Variants in PARP1 observed in about 807,000 individuals in gnomAD.
PARP1 encodes the protein poly [ADP-ribose] polymerase 1.
Under a neutral mutation model 118.7 loss-of-function variants are expected in PARP1, and 44 were observed. The ratio of observed to expected loss-of-function variants is 0.37; its 90% CI spans 0.29 to 0.48. The LOEUF (loss-of-function observed/expected upper bound fraction) is 0.48, where lower values mean the gene tolerates loss of function less well. Ranked by LOEUF, PARP1 falls within the 20% of genes least tolerant of loss-of-function variation. The probability of loss-of-function intolerance (pLI) is 0.99; values close to 1 mark genes in which losing one functional copy is unlikely to be tolerated. For synonymous variants in PARP1, 492 were observed against 483.2 expected, an observed-to-expected ratio of 1.02 and a Z score of -0.24; for missense variants, 1,100 against 1,272.4, an observed-to-expected ratio of 0.86 and a Z score of 2.06.
chr1:226,401,863 C>T, intron 2 of PARP1: 1 of 789,042 alleles, frequency 1.3e-6, no homozygotes. Flanking sequence ...ATGTACTACT[C>T]TGGTGGGAGG....
intron 18 of PARP1, 97 bp from the exon 19 acceptor site, chr1:226,365,251 G>T: frequency 7.4e-7 from 1 of 1,343,316 alleles, no homozygotes; most frequent in Non-Finnish European, 1.1e-6. Context: ...ATGACCGGCT[G>T]TCCCTAAGGC....
intron 13 of PARP1, among the ~76,000 whole-genome samples, chr1:226,374,687 C>T (rs1480187262): frequency 1.3e-5 from 2 of 152,182 alleles, no homozygotes; most frequent in Non-Finnish European, 2.9e-5. Context: ...TCATGCCCAA[C>T]CTGGAAGTGC....
At position 226,402,309 on chromosome 1, in the gene PARP1, A is replaced by C. The variant is rs766952486; in HGVS notation, c.191T>G (p.Ile64Ser). 6.2e-7 allele frequency: 1 copy of C among 1,614,100 alleles called. No individual in the cohort carries two copies. Among genetic ancestry groups the C allele is most frequent in the South Asian group, 1.1e-5 (1 of 91,088 alleles). Residue 64 changes from isoleucine to serine, a missense_variant, in exon 2 of 23, where the codon ATC becomes AGC. Physicochemically the swap from Ile to Ser is moderately radical, Grantham distance 142 (BLOSUM62 -2). Around this residue, in one of 2 missense-constraint regions of PARP1, gnomAD observed 948 missense variants for 1,031.8 expected, o/e 0.92. Coordinates refer to ENST00000366794, the MANE Select transcript of PARP1 (RefSeq NM_001618.4). ...ATCCACCTCAACGTCAGGGTGCCGG[A>C]TGGAGTGGCCCACCTTCCAGAAGCA... is the stretch of plus-strand genomic sequence containing the variant. The part of the protein sequence containing the change: ...FSCFWKVGHS[I>S]RHPDVEVDGF...
intron 14 of PARP1, among the ~76,000 whole-genome samples, chr1:226,373,494 C>G (rs750015689): frequency 1.2e-4 from 19 of 152,112 alleles, no homozygotes; most frequent in Non-Finnish European, 7.4e-5. Context: ...GCAGCAAGAA[C>G]AAGGGGGCCG....
rs1232292412 is a variant in PARP1 at position 226,404,448 on chromosome 1, C to A, written c.121-2069G>T. On this transcript the variant is annotated intron_variant, in intron 1 of 22. Transcript: ENST00000366794. ...CCCTTCCTGTGCAATGTTCCAGTTA[C>A]CCTTGTATAAAGAGCACAGGTAATG... Among the ~76,000 whole-genome samples the A allele has an allele frequency of 2.6e-5, 4 of 152,192 alleles. No individual in the cohort carries two copies. The South Asian group carries it at 8.3e-4, about 31-fold the overall frequency.
At chr1:226,404,318 C>T (rs182182627) in intron 1 of PARP1, among the ~76,000 whole-genome samples, 339 of 152,330 alleles carry the variant, frequency 2.2e-3, no homozygotes, top group Admixed American at 4.3e-3. Context: ...AACGTTCCAC[C>T]AGATCTCAAT....
chr1:226,365,136 C>T lies in PARP1; in HGVS notation c.2524G>A (p.Glu842Lys). Residue 842 changes from glutamate (E) to lysine (K), a missense_variant, in exon 19 of 23, where the codon GAA becomes AAA. By Grantham distance (56) the Glu-to-Lys change is moderately conservative. Coordinates refer to ENST00000366794, the MANE Select transcript of PARP1 (RefSeq NM_001618.4). Reference protein sequence around the residue: ...EVIDIFKIEREGECQRYKPFK... With the variant: ...EVIDIFKIERKGECQRYKPFK... ...GGCTTGTAACGCTGGCATTCGCCTT[C>T]ACGCTCTATCTTAAAGATCTGGTTG... 7 of 1,614,238 alleles carry T rather than the reference C, an allele frequency of 4.3e-6. No homozygotes were observed. Among genetic ancestry groups the T allele is most frequent in the Non-Finnish European group, 5.9e-6 (7 of 1,180,044 alleles).
intron 1 of PARP1, among the ~76,000 whole-genome samples, chr1:226,405,342 C>T (rs571603437): frequency 1.0e-4 from 15 of 148,250 alleles, no homozygotes; most frequent in East Asian, 5.9e-4. Flanking sequence ...CTGGGTCTGT[C>T]GCCCAGGCTG....
At position 226,377,259 on chromosome 1, in the gene PARP1, C is replaced by T. The variant is rs2102733834; in HGVS notation, c.1790G>A (p.Gly597Asp). 5 of 1,614,080 alleles carry T rather than the reference C, an allele frequency of 3.1e-6. No homozygotes were observed. The highest frequency in any genetic ancestry group is 3.4e-6 in the Non-Finnish European group (4 of 1,179,990). ...RSWGRVGTVI[G>D]SNKLEQMPSK... ...CGGCATCTGTTCCAGTTTGTTGCTA[C>T]CGATCACCGTACCCACACGGCCCCA... The change falls in exon 13 of 23, where the codon GGT becomes GAT. Residue 597 changes from glycine to aspartate, a missense_variant. By Grantham distance (94) the Gly-to-Asp change is moderately conservative. Transcript: ENST00000366794.
chr1:226,381,521 C>T (rs547630181), intron 8 of PARP1, among the ~76,000 whole-genome samples: 9 of 152,180 alleles, frequency 5.9e-5, no homozygotes, highest in Non-Finnish European at 1.0e-4. Flanking sequence ...GCTGCATCTG[C>T]GGACGAGGGA....
rs1409984300 is a variant in PARP1 at position 226,381,221 on chromosome 1, G to C, written c.1160-13C>G. On this transcript the variant is annotated splice_polypyrimidine_tract_variant and intron_variant, in intron 8 of 22. Coordinates refer to ENST00000366794, the MANE Select transcript of PARP1 (RefSeq NM_001618.4). ...GATAATGGCTTATCTGGGATGAAAG[G>C]AGAGAATCATTCAGCAAGGCCAGCT... 3 of 1,614,178 alleles carry C rather than the reference G, an allele frequency of 1.9e-6. No homozygotes were observed. Among genetic ancestry groups the C allele is most frequent in the Non-Finnish European group, 2.5e-6 (3 of 1,180,024 alleles).
At chr1:226,363,259 A>G (rs1360306256) in intron 20 of PARP1, 99 bp from the exon 21 acceptor site, 8 of 855,138 alleles carry the variant, frequency 9.4e-6, no homozygotes, top group Non-Finnish European at 1.6e-5. Flanking sequence ...AGATGAGATA[A>G]AAGTCCACAA....
chr1:226,407,857 T>C lies in PARP1; in HGVS notation c.73A>G (p.Ser25Gly). The C allele has an allele frequency of 1.2e-6, 2 of 1,607,100 alleles. No individual in the cohort carries two copies. Among genetic ancestry groups the C allele is most frequent in the Non-Finnish European group, 8.5e-7 (1 of 1,176,994 alleles). The change falls in exon 1 of 23, where the codon AGC (serine) becomes GGC (glycine). Residue 25 changes from serine (S) to glycine (G), a missense_variant. By Grantham distance (56) the Ser-to-Gly change is moderately conservative (BLOSUM62 0). Around this residue, in one of 2 missense-constraint regions of PARP1, gnomAD observed 948 missense variants for 1,031.8 expected, o/e 0.92. Transcript: ENST00000366794. ...KSGRASCKKC[S>G]ESIPKDSLRM... Reference sequence around the variant, plus strand: ...AGCGAGTCCTTGGGGATGCTCTCGCTGCATTTCTTGCAAGAGGCGCGCCCG... The same window carrying C: ...AGCGAGTCCTTGGGGATGCTCTCGCCGCATTTCTTGCAAGAGGCGCGCCCG...
At chr1:226,407,752 G>C (rs2102750178) in intron 1 of PARP1, 58 bp downstream of exon 1, 4 of 1,482,582 alleles carry the variant, frequency 2.7e-6, no homozygotes, top group Non-Finnish European at 2.7e-6. Flanking sequence ...AGCCTTCCCG[G>C]ACACAGTTAA....
chr1:226,368,721 T>C (rs1286098407), intron 15 of PARP1, among the ~76,000 whole-genome samples: 1 of 152,038 alleles, frequency 6.6e-6, no homozygotes. Context: ...TGGGAGGAGG[T>C]TGCCCATCGC....
In PARP1 at chr1:226,402,367, C is replaced by T; in HGVS notation, c.133G>A (p.Asp45Asn). The T allele has an allele frequency of 6.2e-7, 1 of 1,613,250 alleles. No homozygotes were observed. The highest frequency in any genetic ancestry group is 1.1e-5 in the South Asian group (1 of 91,078). The change falls in exon 2 of 23, where the codon GAT becomes AAT. Residue 45 changes from aspartate to asparagine, a missense_variant. Asp to Asn is a conservative substitution (Grantham distance 23). Around this residue, in one of 2 missense-constraint regions of PARP1, gnomAD observed 948 missense variants for 1,031.8 expected, o/e 0.92. Coordinates refer to ENST00000366794, the MANE Select transcript of PARP1 (RefSeq NM_001618.4). Reference sequence around the variant, plus strand: ...TGGTACCAGTGTGGGACTTTTCCATCAAACATGGGCGACTAGAAGGAAGAG... The same window carrying T: ...TGGTACCAGTGTGGGACTTTTCCATTAAACATGGGCGACTAGAAGGAAGAG... Reference protein sequence around the residue: ...MAIMVQSPMFDGKVPHWYHFS... With the variant: ...MAIMVQSPMFNGKVPHWYHFS...
At chr1:226,406,614 T>C (rs1465954164) in intron 1 of PARP1, among the ~76,000 whole-genome samples, 2 of 152,252 alleles carry the variant, frequency 1.3e-5, no homozygotes, top group Non-Finnish European at 1.5e-5. Flanking sequence ...TGTTTACCAG[T>C]CATTTCCCGT....
At chr1:226,380,669 C>G (rs562814681) in intron 9 of PARP1, among the ~76,000 whole-genome samples, 1 of 152,290 alleles carries the variant, frequency 6.6e-6, no homozygotes, top group African/African-American at 2.4e-5. Context: ...GACCAGAAAC[C>G]TTTCAGACCT....
chr1:226,390,799 T>G (rs189405177), intron 3 of PARP1, among the ~76,000 whole-genome samples, 175 bp from the exon 4 acceptor site: 299 of 152,266 alleles, frequency 2.0e-3, no homozygotes, highest in African/African-American at 7.0e-3. Flanking sequence ...CATCAAGGAT[T>G]GTGTGTTACC....
Sources: gnomAD v4.1 joint callset for allele counts (sites outside exome capture counted in the v4.1 genomes callset) on GRCh38, gnomAD v4.1.1 for gene constraint, gnomAD v4.1.1 regional missense constraint, MANE v1.5 for transcripts, NCBI Gene and HGNC (gene_info 2026-07-23, HGNC 2026-07-21) for gene names.